The following RTKN variants were observed in gnomAD, a reference collection of about 807,000 sequenced individuals.
RTKN encodes rhotekin.
A neutral mutation model predicts 63.5 loss-of-function variants in RTKN; 49 were observed. That is an observed-to-expected ratio of 0.77 (90% CI 0.61 to 0.98). RTKN has a LOEUF of 0.98. RTKN is among the 50% of genes least tolerant of loss of function. The pLI is 0.00. For missense variants in RTKN, 685 were observed against 740.8 expected, an observed-to-expected ratio of 0.92 and a Z score of 0.87; for synonymous variants, 295 against 290.4, an observed-to-expected ratio of 1.02 and a Z score of -0.16.
At position 74,432,370 on chromosome 2, in the gene RTKN, C is replaced by T. The variant is rs751626957; in HGVS notation, c.311+97G>A. 3.4e-6 allele frequency: 4 copies of T among 1,189,140 alleles called. No individual in the cohort carries two copies. The South Asian group carries it at 4.9e-5, about 14-fold the overall frequency. The allele number at this position is 1,189,140 out of a possible 1,614,324, so 73.7% of individuals were successfully genotyped here. A position where few individuals can be genotyped will look rare whatever the true frequency, so the allele number is the denominator to read the frequency against. ...TGATAAGACTTCATGGGGAAGTCAT[C>T]TTTAAGGTGGTCCACATGCCACACA... On this transcript the variant is annotated intron_variant, in intron 2 of 11. Coordinates refer to ENST00000272430, the MANE Select transcript of RTKN (RefSeq NM_001015055.2).
intron 1 of RTKN, among the ~76,000 whole-genome samples, chr2:74,441,163 T>G (rs1268564772): frequency 6.6e-6 from 1 of 152,164 alleles, no homozygotes; most frequent in Admixed American, 6.5e-5. Flanking sequence ...ATTTTGCGTG[T>G]GGGAAGTAAC....
At chr2:74,430,444 C>A in intron 4 of RTKN, 21 bp downstream of exon 4, 1 of 1,613,834 alleles carries the variant, frequency 6.2e-7, no homozygotes, top group African/African-American at 1.3e-5. Context: ...CTGAATTTGT[C>A]CCAGGGTGTG....
In RTKN at chr2:74,426,444, C is replaced by A; in HGVS notation, c.1491G>T (p.Ser497=). 1 of 1,612,150 alleles carries A rather than the reference C, an allele frequency of 6.2e-7. No homozygotes were observed. The highest frequency in any genetic ancestry group is 8.5e-7 in the Non-Finnish European group (1 of 1,179,192). Residue 497 remains serine, a synonymous_variant, in exon 12 of 12, where the codon TCG becomes TCT. Transcript: ENST00000272430. ...TDQPALPNPC[S]PASVAPAPDW... ...CTGGGGCTGGGGCCACTGAGGCAGG[C>A]GAGCAGGGGTTAGGCAGGGCAGGCT...
chr2:74,438,385 G>A (rs1246665114), intron 1 of RTKN, among the ~76,000 whole-genome samples: 1 of 152,134 alleles, frequency 6.6e-6, no homozygotes, highest in Admixed American at 6.5e-5. Flanking sequence ...CCCACCTGAA[G>A]TGGGAGTGAA....
At position 74,427,477 on chromosome 2, in the gene RTKN, C is replaced by T. The variant is rs202063082; in HGVS notation, c.1202G>A (p.Arg401Gln). The T allele has an allele frequency of 2.6e-5, 42 of 1,614,054 alleles. No individual in the cohort carries two copies. Among genetic ancestry groups the T allele is most frequent in the Non-Finnish European group, 2.9e-5 (34 of 1,180,034 alleles). The stretch of plus-strand genomic sequence containing the variant: ...CTCCATCCAGCTCTGCAGTGCTTCC[C>T]GACTTTCTGTCTGAAGGGTGTGTGT... ...EVTHTLQTESREALQSWMEAL... is the reference protein window; with the variant it reads ...EVTHTLQTESQEALQSWMEAL... The change falls in exon 10 of 12, where the codon CGG becomes CAG. Residue 401 changes from arginine to glutamine, a missense_variant. Coordinates refer to ENST00000272430, the MANE Select transcript of RTKN (RefSeq NM_001015055.2).
chr2:74,431,522 G>A (rs1026160171), intron 2 of RTKN, among the ~76,000 whole-genome samples: 2 of 152,256 alleles, frequency 1.3e-5, no homozygotes, highest in African/African-American at 4.8e-5. Context: ...GGCACTTGGG[G>A]TGTACCTCAA....
intron 1 of RTKN, among the ~76,000 whole-genome samples, chr2:74,432,971 C>T (rs1024670487): frequency 2.6e-5 from 4 of 152,064 alleles, no homozygotes; most frequent in South Asian, 2.1e-4. Flanking sequence ...CAGCCGGGCA[C>T]GGTGGCTCAC....
At chr2:74,437,377 GTC>G (rs1331139512) in intron 1 of RTKN, among the ~76,000 whole-genome samples, 2 of 152,070 alleles carry the variant, frequency 1.3e-5, no homozygotes, top group Non-Finnish European at 2.9e-5. Context: ...ACATCAATGG[GTC>G]TCTCTTTTGA....
In RTKN at chr2:74,429,926, G is replaced by A; in HGVS notation, c.657C>T (p.Ser219=). 6.2e-7 allele frequency: 1 copy of A among 1,614,230 alleles called. No individual in the cohort carries two copies. The highest frequency in any genetic ancestry group is 1.3e-5 in the African/African-American group (1 of 75,074). Residue 219 remains serine, a synonymous_variant, in exon 6 of 12, where the codon AGC becomes AGT. Transcript: ENST00000272430. ...GPKRLATKLS[S]SLGRSSGRRV... ...GCCTCCCTGAGGAGCGGCCCAGGGA[G>A]CTGCTGAGTTTGGTGGCAAGCCTCT... is the stretch of plus-strand genomic sequence containing the variant.
chr2:74,428,169 C>G, intron 9 of RTKN, 99 bp downstream of exon 9: 1 of 1,530,094 alleles, frequency 6.5e-7, no homozygotes. Flanking sequence ...AGGAGGCCTG[C>G]TTCTATCTCT....
intron 1 of RTKN, among the ~76,000 whole-genome samples, chr2:74,433,487 C>A (rs1002268015): frequency 2.3e-4 from 35 of 149,034 alleles, no homozygotes; most frequent in Admixed American, 3.3e-4. Flanking sequence ...ATATTCAGTG[C>A]GGCATTTTTT....
chr2:74,430,297 A>G lies in RTKN; in HGVS notation c.500T>C (p.Val167Ala). Residue 167 changes from valine to alanine, a missense_variant, in exon 5 of 12, where the codon GTG (valine) becomes GCG (alanine). Physicochemically the swap from Val to Ala is moderately conservative, Grantham distance 64 (BLOSUM62 0). Coordinates refer to ENST00000272430, the MANE Select transcript of RTKN (RefSeq NM_001015055.2). ...EHIQDTEMIL[V>A]DRTLTDISFQ... ...GGAGATGTCTGTGAGGGTCCTGTCCACTAGGATCATCTCTGTGTCCTGGAT... is the reference window on the plus strand; with the variant it reads ...GGAGATGTCTGTGAGGGTCCTGTCCGCTAGGATCATCTCTGTGTCCTGGAT... The G allele has an allele frequency of 6.2e-7, 1 of 1,614,072 alleles. No homozygotes were observed. The highest frequency in any genetic ancestry group is 8.5e-7 in the Non-Finnish European group (1 of 1,179,966).
Position 74,426,152 on chromosome 2 carries a change from C to T in RTKN, c.*91G>A. The T allele has an allele frequency of 1.7e-6, 2 of 1,212,114 alleles. No individual in the cohort carries two copies. The highest frequency in any genetic ancestry group is 1.4e-5 in the South Asian group (1 of 72,214). The allele number at this position is 1,212,114 out of a possible 1,614,324, so 75.1% of individuals were successfully genotyped here. A position where few individuals can be genotyped will look rare whatever the true frequency, so the allele number is the denominator to read the frequency against. On this transcript the variant is annotated 3_prime_UTR_variant, in exon 12 of 12. Transcript: ENST00000272430. Reference sequence around the variant, plus strand: ...CAGAGGAACAGGAGGCCAGACTGGCCAACTTGCTATAGACAGCGCCGTATC... The same window carrying T: ...CAGAGGAACAGGAGGCCAGACTGGCTAACTTGCTATAGACAGCGCCGTATC...
chr2:74,429,940 T>C lies in RTKN; in HGVS notation c.643A>G (p.Thr215Ala). The change falls in exon 6 of 12, where the codon ACC becomes GCC. Residue 215 changes from threonine (T) to alanine (A), a missense_variant. Transcript: ENST00000272430. ...ALTGGPKRLA[T>A]KLSSSLGRSS... ...CGGCCCAGGGAGCTGCTGAGTTTGG[T>C]GGCAAGCCTCTTGGGGCCGCCAGTC... 1 of 1,614,156 alleles carries C rather than the reference T, an allele frequency of 6.2e-7. No homozygotes were observed. The highest frequency in any genetic ancestry group is 8.5e-7 in the Non-Finnish European group (1 of 1,180,010).
At chr2:74,438,012 G>A (rs1671149903) in intron 1 of RTKN, among the ~76,000 whole-genome samples, 1 of 152,160 alleles carries the variant, frequency 6.6e-6, no homozygotes, top group Non-Finnish European at 1.5e-5. Flanking sequence ...GATAAAGAGT[G>A]CCAAAATTGA....
chr2:74,429,834 A>T lies in RTKN; in HGVS notation c.749T>A (p.Val250Asp). 6.2e-7 allele frequency: 1 copy of T among 1,613,420 alleles called. No homozygotes were observed. Among genetic ancestry groups the T allele is most frequent in the Non-Finnish European group, 8.5e-7 (1 of 1,179,718 alleles). Residue 250 changes from valine (V) to aspartate (D), a missense_variant, in exon 6 of 12, where the codon GTT becomes GAT. Val to Asp is a radical substitution (Grantham distance 152). Coordinates refer to ENST00000272430, the MANE Select transcript of RTKN (RefSeq NM_001015055.2). ...TCGGTGTGCAAGGCCTTACCCAACAACTGGGGTGGGGAGCAAGATGGGACT... is the reference window on the plus strand; with the variant it reads ...TCGGTGTGCAAGGCCTTACCCAACATCTGGGGTGGGGAGCAAGATGGGACT... ...GSSPILLPTP[V>D]VGGPRYHLLA...
chr2:74,434,108 C>CT (rs879780048), intron 1 of RTKN, among the ~76,000 whole-genome samples: 61 of 144,664 alleles, frequency 4.2e-4, no homozygotes, highest in Non-Finnish European at 3.5e-4. Flanking sequence ...ATTTATGATA[C>CT]TTTTTTTTTT....
intron 1 of RTKN, among the ~76,000 whole-genome samples, chr2:74,435,589 CCT>C (rs1392560547): frequency 1.3e-5 from 2 of 152,164 alleles, no homozygotes. Flanking sequence ...CAAGAAACAG[CCT>C]CTGTTTGCTT....
intron 6 of RTKN, among the ~76,000 whole-genome samples, chr2:74,429,536 G>A (rs1670616757): frequency 2.6e-5 from 4 of 152,170 alleles, no homozygotes; most frequent in African/African-American, 7.2e-5. Context: ...ACTAGCCTGG[G>A]CAACATAGTG....
Sources: allele counts gnomAD v4.1 joint callset (sites outside exome capture counted in the v4.1 genomes callset), GRCh38; gene constraint gnomAD v4.1.1; transcripts MANE v1.5; gene names NCBI Gene and HGNC (gene_info 2026-07-23, HGNC 2026-07-21).